SEPTIN3: variants seen among roughly 807,000 people sequenced by gnomAD.
SEPTIN3 encodes septin 3, also known as neuronal-specific septin-3.
SEPTIN3 carries 15 observed loss-of-function variants against 45.1 expected under a neutral mutation model. That is an observed-to-expected ratio of 0.33 (90% CI 0.22 to 0.51). SEPTIN3 has a LOEUF of 0.51. SEPTIN3 is among the 20% of genes least tolerant of loss of function. The pLI, the probability that SEPTIN3 is intolerant of heterozygous loss-of-function variation, is 0.97. For missense variants in SEPTIN3, 289 were observed against 457.2 expected (o/e 0.63, Z 3.35); for synonymous variants, 148 against 164.8 (o/e 0.90, Z 0.78).
In SEPTIN3 at chr22:41,972,899, GCCAAGCAGATCCACAGA is replaced by G; in HGVS notation, c.1410_1426del (p.Arg472ProfsTer5). 5.0e-6 allele frequency: 2 copies of G among 399,256 alleles called. No individual in the cohort carries two copies. Among genetic ancestry groups the G allele is most frequent in the Non-Finnish European group, 8.8e-6 (2 of 226,220 alleles). The allele number at this position is 399,256 out of a possible 1,614,324, so 24.7% of individuals were successfully genotyped here. The stretch of plus-strand genomic sequence containing the variant: ...CAGACGTTGCTACATGCCTGCTAAT[GCCAAGCAGATCCACAGA>G]CCTAGCCCTGGACAACACTAATGCT... On this transcript the variant is annotated frameshift_variant, in exon 2 of 12. Coordinates refer to ENST00000644076, the MANE Select transcript of SEPTIN3 (RefSeq NM_001363845.2). LOFTEE classifies it high-confidence loss of function.
intron 2 of SEPTIN3, among the ~76,000 whole-genome samples, chr22:41,974,045 C>G (rs937843717): frequency 2.0e-5 from 3 of 151,378 alleles, no homozygotes; most frequent in Non-Finnish European, 2.9e-5. Flanking sequence ...ATCTGTGGTC[C>G]CAGCTACTGG....
intron 2 of SEPTIN3, among the ~76,000 whole-genome samples, chr22:41,975,761 A>G (rs2078011973): frequency 6.6e-6 from 1 of 152,092 alleles, no homozygotes; most frequent in Non-Finnish European, 1.5e-5. Context: ...GTACTCAACT[A>G]TCTGGCTGGC....
Position 41,994,733 on chromosome 22 carries a change from G to C in SEPTIN3, c.2505+19G>C, listed in dbSNP as rs2078395113. The C allele has an allele frequency of 6.2e-7, 1 of 1,613,990 alleles. No homozygotes were observed. The highest frequency in any genetic ancestry group is 8.5e-7 in the Non-Finnish European group (1 of 1,180,042). On this transcript the variant is annotated intron_variant, in intron 11 of 11. Transcript: ENST00000644076. The surrounding 1 kb of genome is among the most constrained non-coding windows in gnomAD (Gnocchi z 4.2). ...CCCTCCGGTGAGCGTGGACACAGAGGAAAGCCACGACAGTAACCCATGACG... is the reference window on the plus strand; with the variant it reads ...CCCTCCGGTGAGCGTGGACACAGAGCAAAGCCACGACAGTAACCCATGACG...
Position 41,997,936 on chromosome 22 carries a change from C to T in SEPTIN3, c.*969C>T, listed in dbSNP as rs1921055372. The T allele has an allele frequency of 6.5e-6, 1 of 152,778 alleles. No homozygotes were observed. The highest frequency in any genetic ancestry group is 6.5e-5 in the Admixed American group (1 of 15,298). The allele number at this position is 152,778 out of a possible 1,614,324, so 9.5% of individuals were successfully genotyped here. On this transcript the variant is annotated 3_prime_UTR_variant, in exon 12 of 12. Coordinates refer to ENST00000644076, the MANE Select transcript of SEPTIN3 (RefSeq NM_001363845.2). ...CCACACACTGTGTCTTTATAGAATTCCCCTTTGCCCACCCTCTTCCTGTCT... is the reference window on the plus strand; with the variant it reads ...CCACACACTGTGTCTTTATAGAATTTCCCTTTGCCCACCCTCTTCCTGTCT...
intron 6 of SEPTIN3, among the ~76,000 whole-genome samples, chr22:41,989,126 CAA>C (rs71184854): frequency 4.7e-4 from 42 of 88,570 alleles, no homozygotes; most frequent in South Asian, 1.4e-3. Context: ...GACCCTGTCT[CAA>C]AAAAAAAAAA....
chr22:41,992,539 CTGAA>C, intron 8 of SEPTIN3, 121 bp from the exon 9 acceptor site: 2 of 621,868 alleles, frequency 3.2e-6, no homozygotes, highest in Non-Finnish European at 5.7e-6. Flanking sequence ...AGTAGTATCT[CTGAA>C]TGAGCATCAG....
intron 11 of SEPTIN3, chr22:41,996,500 C>T: frequency 1.0e-6 from 1 of 1,001,090 alleles, no homozygotes; most frequent in Non-Finnish European, 1.2e-6. Context: ...ACCCAAGATT[C>T]AATGGACCAG....
chr22:41,990,508 G>A (rs1018609025), intron 7 of SEPTIN3, among the ~76,000 whole-genome samples: 1 of 150,906 alleles, frequency 6.6e-6, no homozygotes, highest in African/African-American at 2.4e-5. Flanking sequence ...CACTTTGGGA[G>A]GCAGAGGCGG....
intron 8 of SEPTIN3, 63 bp downstream of exon 8, chr22:41,991,731 T>C (rs1336215610): frequency 6.4e-6 from 7 of 1,091,398 alleles, no homozygotes; most frequent in South Asian, 1.2e-5. Context: ...ATGTGTATTG[T>C]GCACGTCCTC....
chr22:41,974,076 T>A (rs770726752), intron 2 of SEPTIN3, among the ~76,000 whole-genome samples: 7 of 148,248 alleles, frequency 4.7e-5, no homozygotes, highest in Non-Finnish European at 1.0e-4. Context: ...GTGGGAGAAT[T>A]GCTTGAGCCC....
rs1602407797 is a variant in SEPTIN3 at position 41,971,576 on chromosome 22, T to C, written c.84T>C (p.His28=). 2 of 399,102 alleles carry C rather than the reference T, an allele frequency of 5.0e-6. No individual in the cohort carries two copies. The highest frequency in any genetic ancestry group is 7.1e-5 in the East Asian group (2 of 28,054). The allele number at this position is 399,102 out of a possible 1,614,324, so 24.7% of individuals were successfully genotyped here. Residue 28 remains histidine (H), a synonymous_variant, in exon 2 of 12, where the codon CAT becomes CAC. Transcript: ENST00000644076. ...PGPGTSFSHS[H]VLGRPIRPSR... ...CGGGAACCTCCTTCTCCCATAGCCA[T>C]GTGCTGGGGCGCCCTATCCGCCCCT...
rs1210179698 is a variant in SEPTIN3, at chr22:41,991,673, G to T, written c.2259+5G>T. 6.3e-7 allele frequency: 1 copy of T among 1,598,762 alleles called. No individual in the cohort carries two copies. Among genetic ancestry groups the T allele is most frequent in the African/African-American group, 1.3e-5 (1 of 74,546 alleles). ...ACGGAGAATGACAAAATCAGGGTGG[G>T]TGCCTGGGGCACTGCTCCTCCACTG... On this transcript the variant is annotated splice_donor_5th_base_variant and intron_variant, in intron 8 of 11. Coordinates refer to ENST00000644076, the MANE Select transcript of SEPTIN3 (RefSeq NM_001363845.2).
chr22:41,972,422 G>A lies in SEPTIN3; in HGVS notation c.930G>A (p.Leu310=), dbSNP rs552466635. Residue 310 remains leucine (L), a synonymous_variant, in exon 2 of 12, where the codon TTG becomes TTA. Transcript: ENST00000644076. ...LDIKLGTARD[L]SSVGTVKSGK... ...TCAAGCTGGGCACAGCCAGAGACTT[G>A]TCTTCGGTAGGGACAGTCAAGTCAG... The A allele has an allele frequency of 6.5e-5, 26 of 398,904 alleles. No homozygotes were observed. Among genetic ancestry groups the A allele is most frequent in the African/African-American group, 4.7e-4 (23 of 48,674 alleles). The allele number at this position is 398,904 out of a possible 1,614,324, so 24.7% of individuals were successfully genotyped here. A position where few individuals can be genotyped will look rare whatever the true frequency, so the allele number is the denominator to read the frequency against.
At position 41,979,095 on chromosome 22, in the gene SEPTIN3, A is replaced by ATAT. The variant is rs1569436933; in HGVS notation, c.1505-2550_1505-2549insTAT. ...TGACTTGCCAGCAGGCGCTGTGTAC[A>ATAT]GTGCACACAGTGGGTGCTCATATGT... is the stretch of plus-strand genomic sequence containing the variant. On this transcript the variant is annotated intron_variant, in intron 2 of 11. Transcript: ENST00000644076. Among the ~76,000 whole-genome samples the ATAT allele has an allele frequency of 3.3e-5, 5 of 152,328 alleles. No individual in the cohort carries two copies. In the South Asian group the frequency reaches 1.0e-3, roughly 32 times the overall value.
chr22:41,990,555 C>T (rs754082099), intron 7 of SEPTIN3, among the ~76,000 whole-genome samples: 6 of 143,930 alleles, frequency 4.2e-5, no homozygotes, highest in South Asian at 2.2e-4. Context: ...ACCATCCTGG[C>T]TAACACGGTG....
intron 4 of SEPTIN3, among the ~76,000 whole-genome samples, chr22:41,986,993 A>G (rs1465429038): frequency 6.6e-6 from 1 of 152,170 alleles, no homozygotes; most frequent in Non-Finnish European, 1.5e-5. Flanking sequence ...AAATAAAAGA[A>G]GAAGAAAAAG....
chr22:41,987,239 C>A lies in SEPTIN3; in HGVS notation c.1859C>A (p.Thr620Asn). 6.2e-7 allele frequency: 1 copy of A among 1,613,718 alleles called. No homozygotes were observed. Among genetic ancestry groups the A allele is most frequent in the Non-Finnish European group, 8.5e-7 (1 of 1,179,816 alleles). The change falls in exon 5 of 12, where the codon ACC becomes AAC. Residue 620 changes from threonine to asparagine, a missense_variant. By Grantham distance (65) the Thr-to-Asn change is moderately conservative. This residue lies in a region of SEPTIN3 where 200 missense variants were observed against 315.1 expected (regional missense o/e 0.63). Transcript: ENST00000644076. ...IEEGGVKMKLTVIDTPGFGDQ... is the reference protein window; with the variant it reads ...IEEGGVKMKLNVIDTPGFGDQ... The stretch of plus-strand genomic sequence containing the variant: ...GAAGGCGGTGTCAAAATGAAGCTGA[C>A]CGTCATCGACACCCCAGGCTTTGGA...
At chr22:41,984,832 C>A (rs988004785) in intron 3 of SEPTIN3, among the ~76,000 whole-genome samples, 58 of 148,390 alleles carry the variant, frequency 3.9e-4, no homozygotes, top group African/African-American at 1.4e-3. Flanking sequence ...CCTGGCCTGA[C>A]CAGTGGTTTT....
Position 41,996,883 on chromosome 22 carries a change from G to A in SEPTIN3, c.2506-19G>A, listed in dbSNP as rs534737737. 25 of 1,613,320 alleles carry A rather than the reference G, an allele frequency of 1.5e-5. No homozygotes were observed. Among genetic ancestry groups the A allele is most frequent in the South Asian group, 1.3e-4 (12 of 91,022 alleles). ...GCTGCTGGTCTCCACACCCTCAACC[G>A]TTCTCAACCCCCCTGCAGGGAGAAG... On this transcript the variant is annotated intron_variant, in intron 11 of 11. Transcript: ENST00000644076.
Sources: allele counts gnomAD v4.1 joint callset (sites outside exome capture counted in the v4.1 genomes callset), GRCh38; gene constraint gnomAD v4.1.1; regional missense constraint gnomAD v4.1.1; non-coding constraint Gnocchi (gnomAD v3.1); transcripts MANE v1.5; gene names NCBI Gene and HGNC (gene_info 2026-07-23, HGNC 2026-07-21).